Variants in CHRDL2 observed in about 807,000 individuals in gnomAD.
The protein encoded by CHRDL2 is chordin-like protein 2.
In CHRDL2, 41 loss-of-function variants were observed where a neutral mutation model predicts 54.3. The observed-to-expected ratio is 0.76, with a 90% CI of 0.59 to 0.98. The LOEUF (loss-of-function observed/expected upper bound fraction) is 0.98. Among genes scored for constraint, CHRDL2 ranks in the 50% least tolerant of loss-of-function variants. The pLI, the probability that CHRDL2 is intolerant of heterozygous loss-of-function variation, is 0.00. For synonymous variants in CHRDL2, 220 were observed against 224.3 expected, an observed-to-expected ratio of 0.98 and a Z score of 0.17; for missense variants, 518 against 562.4, an observed-to-expected ratio of 0.92 and a Z score of 0.80.
In CHRDL2 at chr11:74,697,306, A is replaced by G. The variant is rs1458678092; in HGVS notation, c.1121-9T>C. On this transcript the variant is annotated splice_polypyrimidine_tract_variant and intron_variant, in intron 9 of 10. Transcript: ENST00000376332. ...AGTCAAGTGGAAGATTCCTGAGGGC[A>G]GAGACAAGGATGTGAGCAGGCAAGG... 1.2e-6 allele frequency: 2 copies of G among 1,611,138 alleles called. No homozygotes were observed. The highest frequency in any genetic ancestry group is 3.3e-5 in the Admixed American group (2 of 60,028).
intron 1 of CHRDL2, among the ~76,000 whole-genome samples, chr11:74,728,448 C>T (rs1041572005): frequency 6.6e-6 from 1 of 152,160 alleles, no homozygotes; most frequent in African/African-American, 2.4e-5. Context: ...AAATGAGGCT[C>T]AGATAAAGAA....
chr11:74,713,528 C>T, intron 2 of CHRDL2, 49 bp from the exon 3 acceptor site: 1 of 1,461,708 alleles, frequency 6.8e-7, no homozygotes, highest in Admixed American at 1.7e-5. Context: ...CATCGTCTTC[C>T]ACCTGTACCT....
intron 5 of CHRDL2, among the ~76,000 whole-genome samples, chr11:74,707,064 G>A (rs2034034117): frequency 6.6e-6 from 1 of 152,034 alleles, no homozygotes; most frequent in Non-Finnish European, 1.5e-5. Context: ...TATTCCCCTG[G>A]GAAACCAGCA....
intron 6 of CHRDL2, among the ~76,000 whole-genome samples, chr11:74,705,281 G>A (rs1352903196): frequency 6.6e-6 from 1 of 152,194 alleles, no homozygotes; most frequent in African/African-American, 2.4e-5. Flanking sequence ...GGAGTGTGGC[G>A]AGGACAGCTC....
chr11:74,713,982 C>T (rs771848649), intron 2 of CHRDL2, among the ~76,000 whole-genome samples: 1 of 152,134 alleles, frequency 6.6e-6, no homozygotes, highest in Non-Finnish European at 1.5e-5. Context: ...TAATCCTGGA[C>T]AAAGCCTTTG....
intron 1 of CHRDL2, among the ~76,000 whole-genome samples, chr11:74,726,546 C>T (rs1467376440): frequency 6.6e-6 from 1 of 152,160 alleles, no homozygotes; most frequent in Non-Finnish European, 1.5e-5. Flanking sequence ...CTGTACTACA[C>T]CTCCCAGGGG....
rs201336977 is a variant in CHRDL2 at position 74,716,556 on chromosome 11, A to G, written c.195+2164T>C. On this transcript the variant is annotated intron_variant, in intron 2 of 10. Coordinates refer to ENST00000376332, the MANE Select transcript of CHRDL2 (RefSeq NM_001278473.3). ...CTCCATCTCCAAAAAAAAAAAAAAA[A>G]AAAGAAAGAAAAGAAAAGAAATTGG... 1.1e-3 allele frequency among the ~76,000 whole-genome samples: 160 copies of G among 140,014 alleles called. 2 individuals are homozygous for G. Among genetic ancestry groups the G allele is most frequent in the East Asian group, 1.5e-3 (7 of 4,692 alleles). The allele number at this position is 140,014 out of a possible 152,430, so 91.9% of individuals were successfully genotyped here.
rs1201367480 is a variant in CHRDL2, at chr11:74,718,825, G to A, written c.90C>T (p.Asp30=). Residue 30 remains aspartate (D), a synonymous_variant, in exon 2 of 11, where the codon GAC becomes GAT. Transcript: ENST00000376332. The part of the protein sequence containing the change: ...PLDSHARARP[D]MFCLFHGKRY... ...TCTTCCCATGGAAAAGGCAGAACATGTCTGGGCCTGGCAAACCGACCAGTG... is the reference window on the plus strand; with the variant it reads ...TCTTCCCATGGAAAAGGCAGAACATATCTGGGCCTGGCAAACCGACCAGTG... The A allele has an allele frequency of 6.8e-6, 11 of 1,608,956 alleles. No individual in the cohort carries two copies. The highest frequency in any genetic ancestry group is 2.7e-5 in the African/African-American group (2 of 74,800).
At chr11:74,725,357 G>A (rs2034558298) in intron 1 of CHRDL2, among the ~76,000 whole-genome samples, 1 of 152,174 alleles carries the variant, frequency 6.6e-6, no homozygotes, top group Admixed American at 6.5e-5. Context: ...TTCCCTTTCA[G>A]CACTTTTACC....
chr11:74,716,905 C>G (rs1445448495), intron 2 of CHRDL2, among the ~76,000 whole-genome samples: 1 of 152,010 alleles, frequency 6.6e-6, no homozygotes, highest in Non-Finnish European at 1.5e-5. Context: ...CCAACCTGGG[C>G]AACCTGATGA....
At chr11:74,701,219 C>A (rs746733117) in intron 9 of CHRDL2, 32 of 196,788 alleles carry the variant, frequency 1.6e-4, no homozygotes, top group Non-Finnish European at 2.9e-4. Flanking sequence ...GTCATTTAAT[C>A]CTCTAAAAAC....
At chr11:74,730,103 G>A (rs943288382) in intron 1 of CHRDL2, among the ~76,000 whole-genome samples, 1 of 152,196 alleles carries the variant, frequency 6.6e-6, no homozygotes, top group Non-Finnish European at 1.5e-5. Flanking sequence ...TGCACTCTGT[G>A]ACGGCCTCCC....
At chr11:74,711,785 G>A (rs1455826651) in intron 3 of CHRDL2, among the ~76,000 whole-genome samples, 2 of 151,596 alleles carry the variant, frequency 1.3e-5, no homozygotes, top group African/African-American at 4.9e-5. Flanking sequence ...GACTGGCCTG[G>A]GCAACATTTT....
chr11:74,717,155 G>T (rs370667976), intron 2 of CHRDL2, among the ~76,000 whole-genome samples: 2 of 152,142 alleles, frequency 1.3e-5, no homozygotes, highest in African/African-American at 2.4e-5. Flanking sequence ...ATGGATTTAG[G>T]GGGGGAAACA....
intron 9 of CHRDL2, chr11:74,701,369 T>G (rs1038863708): frequency 1.2e-5 from 5 of 427,376 alleles, no homozygotes; most frequent in African/African-American, 2.0e-5. Context: ...CTGCTTGTTG[T>G]TTGACTCTTG....
chr11:74,722,611 G>A (rs1253521264), intron 1 of CHRDL2, among the ~76,000 whole-genome samples: 1 of 152,034 alleles, frequency 6.6e-6, no homozygotes, highest in Non-Finnish European at 1.5e-5. Flanking sequence ...TTCCTGTGGT[G>A]TTTCTTTGAC....
Position 74,730,758 on chromosome 11 carries a change from C to A in CHRDL2, c.82+49G>T, listed in dbSNP as rs1170301942. ...AGGTCCTGGCGCTGTCCCTCACATT[C>A]CAGGGGCCGCATCCCTCCTCTGCCC... On this transcript the variant is annotated intron_variant, in intron 1 of 10. Coordinates refer to ENST00000376332, the MANE Select transcript of CHRDL2 (RefSeq NM_001278473.3). 3.3e-6 allele frequency: 5 copies of A among 1,526,526 alleles called. No individual in the cohort carries two copies. The Admixed American group carries it at 9.6e-5, about 29-fold the overall frequency. 94.6% of individuals were successfully genotyped at this position (1,526,526 alleles called of 1,614,324 possible). A position where few individuals can be genotyped will look rare whatever the true frequency, so the allele number is the denominator to read the frequency against.
intron 1 of CHRDL2, among the ~76,000 whole-genome samples, chr11:74,723,637 C>T (rs2034529932): frequency 6.6e-6 from 1 of 152,104 alleles, no homozygotes; most frequent in Admixed American, 6.5e-5. Context: ...AATAAGGGTT[C>T]CTTGAACACA....
Position 74,710,914 on chromosome 11 carries a change from T to G in CHRDL2, c.367A>C (p.Ile123Leu), listed in dbSNP as rs756771375. 2 of 1,614,082 alleles carry G rather than the reference T, an allele frequency of 1.2e-6. No individual in the cohort carries two copies. Among genetic ancestry groups the G allele is most frequent in the South Asian group, 2.2e-5 (2 of 91,052 alleles). The change falls in exon 4 of 11, where the codon ATC (isoleucine) becomes CTC (leucine). Residue 123 changes from isoleucine (I) to leucine (L), a missense_variant. Physicochemically the swap from Ile to Leu is conservative, Grantham distance 5. Transcript: ENST00000376332. ...GGGAACAGCTCATGGGCACTGAAGA[T>G]CTCTCCGTGTTGGTACATGGTCCCG... ...HNGTMYQHGE[I>L]FSAHELFPSR...
Sources: gnomAD v4.1 joint callset for allele counts (sites outside exome capture counted in the v4.1 genomes callset) on GRCh38, gnomAD v4.1.1 for gene constraint, MANE v1.5 for transcripts, NCBI Gene and HGNC (gene_info 2026-07-23, HGNC 2026-07-21) for gene names.